The following SDK1 variants were observed in gnomAD, a reference collection of about 807,000 sequenced individuals.
SDK1 encodes sidekick cell adhesion molecule 1.
In SDK1, 157 loss-of-function variants were observed where a neutral mutation model predicts 245.5. The ratio of observed to expected loss-of-function variants is 0.64; its 90% CI spans 0.56 to 0.73. The LOEUF (loss-of-function observed/expected upper bound fraction) is 0.73, where lower values mean the gene tolerates loss of function less well. Ranked by LOEUF, SDK1 falls within the 30% of genes least tolerant of loss-of-function variation. The pLI, the probability that SDK1 is intolerant of heterozygous loss-of-function variation, is 0.00. For synonymous variants in SDK1, 1,647 were observed against 1,278.5 expected (o/e 1.29, Z -6.15); for missense variants, 3,583 against 3,002.3 (o/e 1.19, Z -4.52).
At chr7:3,464,276 C>G (rs1273427430) in intron 1 of SDK1, among the ~76,000 whole-genome samples, 2 of 152,138 alleles carry the variant, frequency 1.3e-5, no homozygotes, top group African/African-American at 4.8e-5. Flanking sequence ...ATAATCCTAA[C>G]ACTTTCGGAG....
In SDK1 at chr7:3,486,030, A is replaced by G. The variant is rs543020553; in HGVS notation, c.299-133050A>G. On this transcript the variant is annotated intron_variant, in intron 1 of 44. Transcript: ENST00000404826. ...AGTTTATATAATATTGGTTTTATCTATTTTTTGAAGATCTGAAAAACTCTT... is the reference window on the plus strand; with the variant it reads ...AGTTTATATAATATTGGTTTTATCTGTTTTTTGAAGATCTGAAAAACTCTT... Among the ~76,000 whole-genome samples, 34 of 151,916 alleles carry G rather than the reference A, an allele frequency of 2.2e-4. No homozygotes were observed. The East Asian group carries it at 6.4e-3, about 29-fold the overall frequency.
chr7:4,090,264 C>G (rs528529596), intron 22 of SDK1, among the ~76,000 whole-genome samples: 25 of 152,332 alleles, frequency 1.6e-4, no homozygotes, highest in African/African-American at 5.3e-4. Context: ...AACCTCATTT[C>G]TCTTTCCAGT....
intron 1 of SDK1, among the ~76,000 whole-genome samples, chr7:3,410,120 T>C (rs6978143): frequency 0.17 from 25,352 of 152,152 alleles, 2,177 homozygotes; most frequent in South Asian, 0.22. Context: ...TTAAGTGTTA[T>C]CATAATCACA....
chr7:3,845,335 C>T (rs1473326546), intron 5 of SDK1, among the ~76,000 whole-genome samples: 1 of 151,814 alleles, frequency 6.6e-6, no homozygotes, highest in Non-Finnish European at 1.5e-5. Flanking sequence ...ACTAAAAATA[C>T]AAAACTTAGC....
intron 7 of SDK1, chr7:3,958,336 T>C (rs1781423711): frequency 7.6e-6 from 2 of 264,126 alleles, no homozygotes; most frequent in South Asian, 7.4e-5. Context: ...TGTTTTTTTT[T>C]CTGCGGAACG....
At chr7:3,738,182 T>A (rs1328070899) in intron 4 of SDK1, among the ~76,000 whole-genome samples, 5 of 152,220 alleles carry the variant, frequency 3.3e-5, no homozygotes, top group African/African-American at 2.4e-5. Context: ...CAATTTTAGG[T>A]CTTAGGTTTA....
chr7:4,188,996 C>T (rs192014443), intron 35 of SDK1, among the ~76,000 whole-genome samples: 1 of 152,082 alleles, frequency 6.6e-6, no homozygotes, highest in Non-Finnish European at 1.5e-5. Flanking sequence ...TCTTATTCCT[C>T]TTTGTTTTCT....
At chr7:3,366,631 G>T (rs1238777889) in intron 1 of SDK1, among the ~76,000 whole-genome samples, 1 of 152,140 alleles carries the variant, frequency 6.6e-6, no homozygotes, top group Non-Finnish European at 1.5e-5. Context: ...CATTTATGGG[G>T]ATAGTTGAAC....
At chr7:3,366,100 T>G (rs1267555886) in intron 1 of SDK1, among the ~76,000 whole-genome samples, 1 of 151,928 alleles carries the variant, frequency 6.6e-6, no homozygotes, top group African/African-American at 2.4e-5. Flanking sequence ...CGATTCGATG[T>G]TAATAGTGGT....
chr7:3,375,137 T>G (rs997594798), intron 1 of SDK1, among the ~76,000 whole-genome samples: 1 of 151,844 alleles, frequency 6.6e-6, no homozygotes, highest in African/African-American at 2.4e-5. Context: ...CAGAGGCCAG[T>G]GTGGGCTCTC....
At chr7:3,395,865 C>T (rs1227471052) in intron 1 of SDK1, among the ~76,000 whole-genome samples, 5 of 151,518 alleles carry the variant, frequency 3.3e-5, no homozygotes, top group Non-Finnish European at 3.0e-5. Context: ...GGTTTTCTTT[C>T]TCTCTCTCTT....
chr7:3,480,806 A>T (rs901003878), intron 1 of SDK1, among the ~76,000 whole-genome samples: 5 of 152,190 alleles, frequency 3.3e-5, no homozygotes, highest in Non-Finnish European at 7.3e-5. Flanking sequence ...TGAACAGGTG[A>T]GGAAATGGAT....
chr7:3,530,863 C>G (rs1034735256), intron 1 of SDK1, among the ~76,000 whole-genome samples: 113 of 152,284 alleles, frequency 7.4e-4, no homozygotes, highest in African/African-American at 2.6e-3. Context: ...ACTTATTTCC[C>G]TATGCATAAA....
intron 22 of SDK1, among the ~76,000 whole-genome samples, chr7:4,082,946 TAGTC>T (rs1455836565): frequency 2.6e-5 from 4 of 152,232 alleles, no homozygotes; most frequent in African/African-American, 9.6e-5. Context: ...TATCATCTAA[TAGTC>T]AGTTCACACT....
chr7:3,368,529 G>A (rs1781146466), intron 1 of SDK1, among the ~76,000 whole-genome samples: 1 of 152,124 alleles, frequency 6.6e-6, no homozygotes, highest in African/African-American at 2.4e-5. Flanking sequence ...AATTAAAATC[G>A]GCACGGAAGG....
chr7:3,371,930 C>T (rs748009951), intron 1 of SDK1, among the ~76,000 whole-genome samples: 3 of 152,124 alleles, frequency 2.0e-5, no homozygotes, highest in Non-Finnish European at 2.9e-5. Context: ...ATAAAACAAT[C>T]CCAGGAGATA....
chr7:3,791,176 A>C (rs1040332891), intron 4 of SDK1, among the ~76,000 whole-genome samples: 2 of 152,014 alleles, frequency 1.3e-5, no homozygotes, highest in East Asian at 1.9e-4. Flanking sequence ...AAAAAAAAAA[A>C]CACCTGTACC....
chr7:3,462,193 C>T (rs968407557), intron 1 of SDK1, among the ~76,000 whole-genome samples: 10 of 152,124 alleles, frequency 6.6e-5, no homozygotes, highest in Non-Finnish European at 1.5e-4. Context: ...GGATGCTCTT[C>T]AGTTCACATC....
rs575534280 is a variant in SDK1, at chr7:3,531,436, A to G, written c.299-87644A>G. ...AATTTTTTATTTTCTTAAATTTTGC[A>G]TATTGAATTTAGCTACCATGTCCTT... On this transcript the variant is annotated intron_variant, in intron 1 of 44. Transcript: ENST00000404826. Among the ~76,000 whole-genome samples, 97 of 152,314 alleles carry G rather than the reference A, an allele frequency of 6.4e-4. 1 individual carries two copies. Among genetic ancestry groups the G allele is most frequent in the African/African-American group, 2.3e-3 (95 of 41,576 alleles).
Sources: allele counts gnomAD v4.1 joint callset (sites outside exome capture counted in the v4.1 genomes callset), GRCh38; gene constraint gnomAD v4.1.1; transcripts MANE v1.5; gene names NCBI Gene and HGNC (gene_info 2026-07-23, HGNC 2026-07-21).